The following NAALADL2 variants were observed in gnomAD, a reference collection of about 807,000 sequenced individuals.
NAALADL2 encodes N-acetylated alpha-linked acidic dipeptidase like 2, also known as inactive N-acetylated-alpha-linked acidic dipeptidase-like protein 2.
A neutral mutation model predicts 87.2 loss-of-function variants in NAALADL2; 76 were observed. That is an observed-to-expected ratio of 0.87 (90% CI 0.72 to 1.05). NAALADL2 has a LOEUF of 1.05. NAALADL2 is among the 50% of genes least tolerant of loss of function. NAALADL2 has a pLI of 0.00. For synonymous variants in NAALADL2, 354 were observed against 331.0 expected (o/e 1.07, Z -0.75); for missense variants, 1,089 against 945.8 (o/e 1.15, Z -1.99).
chr3:175,537,896 G>A (rs576267449), intron 9 of NAALADL2, among the ~76,000 whole-genome samples: 3 of 152,196 alleles, frequency 2.0e-5, no homozygotes, highest in Non-Finnish European at 4.4e-5. Context: ...ACTTCTATTT[G>A]GTAGGTTTCA....
intron 3 of NAALADL2, among the ~76,000 whole-genome samples, chr3:174,765,408 T>C (rs1713678909): frequency 6.6e-6 from 1 of 152,190 alleles, no homozygotes; most frequent in African/African-American, 2.4e-5. Context: ...AAATAAGTAA[T>C]AGCATTCTTG....
intron 11 of NAALADL2, among the ~76,000 whole-genome samples, chr3:175,689,147 G>T (rs143306672): frequency 6.6e-6 from 1 of 152,112 alleles, no homozygotes; most frequent in East Asian, 1.9e-4. Context: ...GTGAAAAATG[G>T]CTTTTATTAG....
intron 13 of NAALADL2, among the ~76,000 whole-genome samples, chr3:175,759,827 T>G (rs2150145177): frequency 6.6e-6 from 1 of 152,124 alleles, no homozygotes; most frequent in South Asian, 2.1e-4. Flanking sequence ...GTCTGAATGG[T>G]TATTGGGTTA....
intron 1 of NAALADL2, among the ~76,000 whole-genome samples, chr3:174,865,855 A>G (rs1023084912): frequency 6.6e-6 from 1 of 151,898 alleles, no homozygotes; most frequent in Non-Finnish European, 1.5e-5. Flanking sequence ...AATTGTTTCT[A>G]TGTATTTACT....
intron 3 of NAALADL2, among the ~76,000 whole-genome samples, chr3:174,843,667 G>A (rs1296616099): frequency 6.6e-6 from 1 of 152,082 alleles, no homozygotes; most frequent in Non-Finnish European, 1.5e-5. Context: ...CAATGTGTAA[G>A]TGTTCCCTTT....
At chr3:175,618,176 C>A (rs1194446766) in intron 10 of NAALADL2, among the ~76,000 whole-genome samples, 1 of 152,168 alleles carries the variant, frequency 6.6e-6, no homozygotes, top group Admixed American at 6.5e-5. Flanking sequence ...CCTCTATATA[C>A]CTGTCACGGT....
At chr3:174,622,975 G>A (rs1296091722) in intron 2 of NAALADL2, among the ~76,000 whole-genome samples, 3 of 152,138 alleles carry the variant, frequency 2.0e-5, no homozygotes, top group East Asian at 1.9e-4. Flanking sequence ...CCCAGGAGGC[G>A]GAGCTTGCAG....
chr3:175,213,790 C>T (rs1325608349), intron 2 of NAALADL2, among the ~76,000 whole-genome samples: 3 of 152,076 alleles, frequency 2.0e-5, no homozygotes, highest in Non-Finnish European at 2.9e-5. Context: ...AACTTGCCCA[C>T]AATCATTTAG....
chr3:174,494,788 T>C (rs1345623869), intron 1 of NAALADL2, among the ~76,000 whole-genome samples: 3 of 152,136 alleles, frequency 2.0e-5, no homozygotes, highest in African/African-American at 4.8e-5. Context: ...GAGAGGACAG[T>C]TCAATAAGCT....
intron 5 of NAALADL2, among the ~76,000 whole-genome samples, chr3:175,343,708 G>A (rs544410738): frequency 1.5e-5 from 2 of 137,134 alleles, no homozygotes; most frequent in East Asian, 5.0e-4. Flanking sequence ...GGAAACTGGG[G>A]TTGGGAAAAG....
chr3:175,719,936 T>C (rs1741992415), intron 11 of NAALADL2, among the ~76,000 whole-genome samples: 1 of 152,174 alleles, frequency 6.6e-6, no homozygotes, highest in Admixed American at 6.6e-5. Flanking sequence ...TGTGGCCTCT[T>C]TTCTAAGGAC....
chr3:175,565,600 C>T (rs753811929), intron 9 of NAALADL2, among the ~76,000 whole-genome samples: 2 of 148,424 alleles, frequency 1.3e-5, no homozygotes, highest in African/African-American at 2.5e-5. Context: ...TTCCCAAAAC[C>T]TCTGTAAGAG....
chr3:175,517,089 C>G (rs1731949814), intron 9 of NAALADL2, among the ~76,000 whole-genome samples: 1 of 152,148 alleles, frequency 6.6e-6, no homozygotes, highest in Non-Finnish European at 1.5e-5. Context: ...AATAACAATT[C>G]AATCTTTACC....
intron 13 of NAALADL2, among the ~76,000 whole-genome samples, chr3:175,788,912 A>T (rs936587913): frequency 2.0e-5 from 3 of 152,200 alleles, no homozygotes; most frequent in Non-Finnish European, 2.9e-5. Context: ...TTTACAAATG[A>T]TCTCCAACAT....
chr3:175,189,472 T>C (rs527617307), intron 2 of NAALADL2, among the ~76,000 whole-genome samples: 16 of 152,294 alleles, frequency 1.1e-4, no homozygotes, highest in African/African-American at 2.9e-4. Context: ...GGAAAAATTC[T>C]ATATATAATC....
intron 1 of NAALADL2, among the ~76,000 whole-genome samples, chr3:175,080,773 A>G (rs1332230465): frequency 1.3e-5 from 2 of 152,238 alleles, no homozygotes; most frequent in Admixed American, 1.3e-4. Flanking sequence ...TCCAGTGCCT[A>G]GTAAATATCT....
chr3:175,515,203 T>C (rs1001406375), intron 9 of NAALADL2, among the ~76,000 whole-genome samples: 8 of 152,202 alleles, frequency 5.3e-5, no homozygotes, highest in African/African-American at 1.9e-4. Context: ...TGCAACAACT[T>C]GTTCCATTAA....
intron 2 of NAALADL2, among the ~76,000 whole-genome samples, chr3:174,729,754 G>C (rs866335620): frequency 2.6e-5 from 4 of 151,356 alleles, no homozygotes; most frequent in Non-Finnish European, 5.9e-5. Flanking sequence ...CTCTTGTTTT[G>C]AAAAAAATTA....
intron 1 of NAALADL2, among the ~76,000 whole-genome samples, chr3:174,529,475 C>G (rs577160892): frequency 6.6e-6 from 1 of 152,306 alleles, no homozygotes; most frequent in Admixed American, 6.5e-5. Context: ...GATGGTGGCC[C>G]TCTTCTCACA....
Sources: gnomAD v4.1 joint callset for allele counts (sites outside exome capture counted in the v4.1 genomes callset) on GRCh38, gnomAD v4.1.1 for gene constraint, MANE v1.5 for transcripts, NCBI Gene and HGNC (gene_info 2026-07-23, HGNC 2026-07-21) for gene names.